OPRM1: variants seen among roughly 807,000 people sequenced by gnomAD.
OPRM1 encodes mu-type opioid receptor.
A neutral mutation model predicts 31.8 loss-of-function variants in OPRM1; 27 were observed. The ratio of observed to expected loss-of-function variants is 0.85; its 90% CI spans 0.63 to 1.17. The LOEUF (loss-of-function observed/expected upper bound fraction) is 1.17. OPRM1 is among the 50% of genes most tolerant of loss of function. The pLI is 0.00. For missense variants in OPRM1, 536 were observed against 511.1 expected (o/e 1.05, Z -0.47); for synonymous variants, 196 against 189.9 (o/e 1.03, Z -0.26).
rs1583844745 is a variant in OPRM1, at chr6:154,225,266, T to C, written c.1165-21427T>C. On this transcript the variant is annotated intron_variant, in intron 3 of 3. Coordinates refer to the OPRM1 transcript ENST00000337049. ...TTTGGATTATGGATGCTCAGAGGAA[T>C]TGAAAAAGGGTACTCAAATACATGT... 5.3e-5 allele frequency among the ~76,000 whole-genome samples: 8 copies of C among 152,254 alleles called. No homozygotes were observed. In the South Asian group the frequency reaches 1.7e-3, roughly 32 times the overall value.
At chr6:154,112,007 C>T (rs1369917465) in intron 3 of OPRM1, among the ~76,000 whole-genome samples, 2 of 152,120 alleles carry the variant, frequency 1.3e-5, no homozygotes, top group Non-Finnish European at 2.9e-5. Flanking sequence ...CCTTGTGATC[C>T]GCCCGCCTCG....
intron 1 of OPRM1, among the ~76,000 whole-genome samples, chr6:154,047,500 G>T (rs1470240287): frequency 6.6e-6 from 1 of 151,786 alleles, no homozygotes; most frequent in Non-Finnish European, 1.5e-5. Context: ...TTTAGGAGAT[G>T]GTTTTAATAT....
intron 3 of OPRM1, among the ~76,000 whole-genome samples, chr6:154,242,891 G>GAAAAA (rs1780708868): frequency 4.8e-5 from 1 of 20,758 alleles, no homozygotes. Flanking sequence ...CCGTCTCAAA[G>GAAAAA]AAAAGAAAAG....
In OPRM1 at chr6:154,091,108, T is replaced by C. The variant is rs761129137; in HGVS notation, c.800T>C (p.Leu267Pro). 1.2e-6 allele frequency: 2 copies of C among 1,614,178 alleles called. No homozygotes were observed. The highest frequency in any genetic ancestry group is 1.1e-5 in the South Asian group (1 of 91,080). The change falls in exon 3 of 4, where the codon CTC becomes CCC. Residue 267 changes from leucine to proline, a missense_variant. Transcript: ENST00000330432. ...TTGCGCCTCAAGAGTGTCCGCATGC[T>C]CTCTGGCTCCAAAGAAAAGGACAGG... Reference protein sequence around the residue: ...MILRLKSVRMLSGSKEKDRNL... With the variant: ...MILRLKSVRMPSGSKEKDRNL...
intron 3 of OPRM1, chr6:154,157,997 T>TGA (rs1167556876): frequency 6.6e-6 from 1 of 152,280 alleles, no homozygotes; most frequent in Non-Finnish European, 1.5e-5. Context: ...TGGGCCAAAC[T>TGA]GACTGGCCTG....
intron 1 of OPRM1, among the ~76,000 whole-genome samples, chr6:154,064,116 C>T (rs1583311044): frequency 6.6e-6 from 1 of 152,150 alleles, no homozygotes; most frequent in South Asian, 2.1e-4. Flanking sequence ...CCTATACGTT[C>T]TTCATATCCC....
intron 3 of OPRM1, among the ~76,000 whole-genome samples, chr6:154,229,452 C>A (rs1387424509): frequency 6.6e-6 from 1 of 151,156 alleles, no homozygotes; most frequent in Non-Finnish European, 1.5e-5. Context: ...TGGGTTCACG[C>A]CATTCTCCCG....
At chr6:154,110,619 T>C (rs1290436324) in intron 3 of OPRM1, among the ~76,000 whole-genome samples, 1 of 152,074 alleles carries the variant, frequency 6.6e-6, no homozygotes, top group African/African-American at 2.4e-5. Context: ...CCGGGCACGG[T>C]GGCTCAAGCC....
intron 3 of OPRM1, among the ~76,000 whole-genome samples, chr6:154,191,084 A>G (rs1288959650): frequency 2.6e-5 from 4 of 152,130 alleles, no homozygotes; most frequent in African/African-American, 7.2e-5. Context: ...CTATCAAGCT[A>G]CAAAAGACTT....
chr6:154,204,958 A>T (rs2128597218), intron 3 of OPRM1, among the ~76,000 whole-genome samples: 1 of 152,242 alleles, frequency 6.6e-6, no homozygotes, highest in East Asian at 1.9e-4. Flanking sequence ...TTTCTGTCCC[A>T]TCACCACATC....
At chr6:154,063,977 G>T (rs1784877369) in intron 1 of OPRM1, among the ~76,000 whole-genome samples, 1 of 151,988 alleles carries the variant, frequency 6.6e-6, no homozygotes, top group South Asian at 2.1e-4. Context: ...ATCTTGTGGA[G>T]ACCGTGTTTT....
At chr6:154,098,596 T>G (rs1793812779) in intron 3 of OPRM1, among the ~76,000 whole-genome samples, 1 of 151,824 alleles carries the variant, frequency 6.6e-6, no homozygotes, top group South Asian at 2.1e-4. Flanking sequence ...ACAGTATTTA[T>G]TTTTGCTTTT....
intron 1 of OPRM1, among the ~76,000 whole-genome samples, chr6:154,055,157 G>A (rs957728643): frequency 2.6e-5 from 4 of 152,230 alleles, no homozygotes; most frequent in African/African-American, 9.6e-5. Context: ...GGAGGCTGTG[G>A]CGGGCAGATC....
At chr6:154,205,732 A>T (rs1205055566) in intron 3 of OPRM1, among the ~76,000 whole-genome samples, 1 of 152,242 alleles carries the variant, frequency 6.6e-6, no homozygotes, top group African/African-American at 2.4e-5. Context: ...GAGGACAATG[A>T]ATAAACTGCA....
Position 154,039,734 on chromosome 6 carries a change from A to T in OPRM1, c.190A>T (p.Ser64Cys). ...GRDSLCPPTG[S>C]PSMITAITIM... ...AGACAGCCTGTGCCCTCCGACCGGC[A>T]GTCCCTCCATGATCACGGCCATCAC... Residue 64 changes from serine (S) to cysteine (C), a missense_variant, in exon 1 of 4, where the codon AGT becomes TGT. Ser to Cys is a moderately radical substitution (Grantham distance 112). Coordinates refer to ENST00000330432, the MANE Select transcript of OPRM1 (RefSeq NM_000914.5). 6.2e-7 allele frequency: 1 copy of T among 1,606,652 alleles called. No individual in the cohort carries two copies. Among genetic ancestry groups the T allele is most frequent in the Non-Finnish European group, 8.5e-7 (1 of 1,176,800 alleles).
Position 154,197,079 on chromosome 6 carries a change from AGACTGG to A in OPRM1, c.1165-49609_1165-49604del, listed in dbSNP as rs1776678729. 3.9e-5 allele frequency among the ~76,000 whole-genome samples: 6 copies of A among 152,332 alleles called. No homozygotes were observed. The South Asian group carries it at 1.0e-3, about 26-fold the overall frequency. The stretch of plus-strand genomic sequence containing the variant: ...CTCTTCTTCCAGCAAATGCATCCTG[AGACTGG>A]GACTTAATCTTTTAAAATCCTAGCT... On this transcript the variant is annotated intron_variant, in intron 3 of 3. Transcript: ENST00000337049.
At chr6:154,104,005 A>T (rs1470817448) in intron 3 of OPRM1, among the ~76,000 whole-genome samples, 1 of 152,158 alleles carries the variant, frequency 6.6e-6, no homozygotes, top group Non-Finnish European at 1.5e-5. Context: ...TTCAAGATGG[A>T]GTTGTTCTGG....
At chr6:154,034,576 T>A (rs527584389), upstream of OPRM1, among the ~76,000 whole-genome samples, 67 of 152,054 alleles carry the variant, frequency 4.4e-4, 1 homozygote, top group Admixed American at 2.7e-3. Flanking sequence ...AAATAAAATA[T>A]AATGATAAAG....
chr6:154,179,557 C>T (rs567974277), intron 3 of OPRM1, among the ~76,000 whole-genome samples: 120 of 152,182 alleles, frequency 7.9e-4, no homozygotes, highest in Non-Finnish European at 1.4e-3. Context: ...CAAGTGTTTC[C>T]AATGCAATTT....
Sources: gnomAD v4.1 joint callset for allele counts (sites outside exome capture counted in the v4.1 genomes callset) on GRCh38, gnomAD v4.1.1 for gene constraint, MANE v1.5 for transcripts, NCBI Gene and HGNC (gene_info 2026-07-23, HGNC 2026-07-21) for gene names.